The following MARCHF7 variants were observed in gnomAD, a reference collection of about 807,000 sequenced individuals.
MARCHF7 encodes the protein membrane associated ring-CH-type finger 7.
A neutral mutation model predicts 76.5 loss-of-function variants in MARCHF7; 20 were observed. That is an observed-to-expected ratio of 0.26 (90% CI 0.18 to 0.38). MARCHF7 has a LOEUF of 0.38. Among genes scored for constraint, MARCHF7 ranks in the 10% least tolerant of loss-of-function variants. MARCHF7 has a pLI of 1.00. For synonymous variants in MARCHF7, 295 were observed against 293.0 expected (o/e 1.01, Z -0.07); for missense variants, 797 against 812.9 (o/e 0.98, Z 0.24).
chr2:159,715,825 G>C (rs1481824987), intron 3 of MARCHF7, 59 bp downstream of exon 3: 1 of 152,114 alleles, frequency 6.6e-6, no homozygotes, highest in African/African-American at 2.4e-5. Context: ...TTTGTCAACA[G>C]CTTAAAAAGA....
In MARCHF7 at chr2:159,733,741, G is replaced by T. The variant is rs191664156; in HGVS notation, c.153+4566G>T. 23 of 985,290 alleles carry T rather than the reference G, an allele frequency of 2.3e-5. No individual in the cohort carries two copies. In the East Asian group the frequency reaches 1.2e-3, roughly 53 times the overall value. The allele number at this position is 985,290 out of a possible 1,614,324, so 61.0% of individuals were successfully genotyped here. On this transcript the variant is annotated intron_variant, in intron 4 of 11. Transcript: ENST00000409175. ...CTTATATAGTGCTTGACATTTTATA[G>T]AACATTTTTTACTTCTGTTTTTAGT...
intron 11 of MARCHF7, 29 bp from the exon 12 acceptor site, chr2:159,767,255 T>C (rs1707916922): frequency 4.5e-6 from 7 of 1,561,766 alleles, no homozygotes; most frequent in Non-Finnish European, 6.2e-6. Flanking sequence ...CTTAAAATCA[T>C]TCTTGATCAT....
chr2:159,724,825 T>C (rs996990321), intron 3 of MARCHF7, among the ~76,000 whole-genome samples: 39 of 152,176 alleles, frequency 2.6e-4, no homozygotes, highest in Non-Finnish European at 8.8e-5. Flanking sequence ...AATGCCATCC[T>C]TCCCCCTCCC....
At chr2:159,719,810 A>C (rs1479311104) in intron 3 of MARCHF7, among the ~76,000 whole-genome samples, 1 of 152,118 alleles carries the variant, frequency 6.6e-6, no homozygotes, top group Non-Finnish European at 1.5e-5. Flanking sequence ...AACTAAAAAC[A>C]GAACAGATTA....
At chr2:159,746,898 C>T (rs1001125555) in intron 6 of MARCHF7, among the ~76,000 whole-genome samples, 1 of 152,124 alleles carries the variant, frequency 6.6e-6, no homozygotes, top group Non-Finnish European at 1.5e-5. Context: ...CAAATGAAAA[C>T]ATTTTATCTG....
At chr2:159,761,406 C>CTTTTTTTTTTTTTTTTTTT (rs747902045) in intron 9 of MARCHF7, among the ~76,000 whole-genome samples, 6 of 73,750 alleles carry the variant, frequency 8.1e-5, no homozygotes, top group Non-Finnish European at 9.5e-5. Context: ...TGAATCATTT[C>CTTTTTTTTTTTTTTTTTTT]TTTTTTTTTT....
chr2:159,718,791 C>G (rs1288344574), intron 3 of MARCHF7, among the ~76,000 whole-genome samples: 1 of 151,986 alleles, frequency 6.6e-6, no homozygotes, highest in African/African-American at 2.4e-5. Context: ...CATAGTACCC[C>G]AAATTCTACT....
chr2:159,736,782 T>C (rs141582461), intron 4 of MARCHF7, among the ~76,000 whole-genome samples: 66 of 152,342 alleles, frequency 4.3e-4, no homozygotes, highest in African/African-American at 1.4e-3. Flanking sequence ...GCTAGTTATA[T>C]AAAGTCTTGG....
At chr2:159,718,173 A>G (rs568244335) in intron 3 of MARCHF7, among the ~76,000 whole-genome samples, 14 of 152,322 alleles carry the variant, frequency 9.2e-5, no homozygotes, top group African/African-American at 3.4e-4. Context: ...ACCTAGAGTC[A>G]TACCCAAGCA....
intron 4 of MARCHF7, among the ~76,000 whole-genome samples, chr2:159,741,962 T>C (rs1025352676): frequency 1.3e-5 from 2 of 152,194 alleles, no homozygotes; most frequent in African/African-American, 4.8e-5. Flanking sequence ...AACATTTTTG[T>C]AAAAAGAATA....
rs79699755 is a variant in MARCHF7 at position 159,767,736 on chromosome 2, ACTT to A, written c.*395_*397del. 3,185 of 153,820 alleles carry A rather than the reference ACTT, an allele frequency of 0.021. 64 individuals carry two copies. Among genetic ancestry groups the A allele is most frequent in the South Asian group, 0.087 (424 of 4,852 alleles). The allele number at this position is 153,820 out of a possible 1,614,324, so 9.5% of individuals were successfully genotyped here. The stretch of plus-strand genomic sequence containing the variant: ...TAGTGAGAAAAGTGGGACAAAATAT[ACTT>A]TTGAAATAAAATGCTATATGGCACC... On this transcript the variant is annotated 3_prime_UTR_variant, in exon 12 of 12. Transcript: ENST00000409175.
chr2:159,750,081 CTTTTT>C (rs1705436971), intron 7 of MARCHF7, among the ~76,000 whole-genome samples: 3 of 152,164 alleles, frequency 2.0e-5, no homozygotes, highest in Non-Finnish European at 4.4e-5. Flanking sequence ...TTTCTTTAAA[CTTTTT>C]GTAGAGACAG....
chr2:159,746,204 A>G (rs1027658916), intron 6 of MARCHF7, among the ~76,000 whole-genome samples: 5 of 152,256 alleles, frequency 3.3e-5, no homozygotes, highest in African/African-American at 1.2e-4. Context: ...AGAAAGTAAC[A>G]TACTAAATCG....
intron 7 of MARCHF7, 65 bp from the exon 8 acceptor site, chr2:159,752,333 TTATG>T (rs769678931): frequency 7.3e-7 from 1 of 1,375,170 alleles, no homozygotes; most frequent in Non-Finnish European, 9.6e-7. Flanking sequence ...AAGCTTGTGA[TTATG>T]TATGACTGAA....
chr2:159,715,473 G>T (rs2125254223), intron 2 of MARCHF7, among the ~76,000 whole-genome samples: 1 of 151,880 alleles, frequency 6.6e-6, no homozygotes, highest in Non-Finnish European at 1.5e-5. Flanking sequence ...CAGCTTCCTG[G>T]GTAGCTGGGA....
rs1372921766 is a variant in MARCHF7, at chr2:159,748,973, CTTTTCTTTTTTTTT to C, written c.1613+75_1613+88del. ...AAAGAACTCTTCATTTCTTTTTTTT[CTTTTCTTTTTTTTT>C]TTTTTTTTTGAGACGGAGTCTCAGT... On this transcript the variant is annotated intron_variant, in intron 7 of 11. Transcript: ENST00000409175. 58 of 684,712 alleles carry C rather than the reference CTTTTCTTTTTTTTT, an allele frequency of 8.5e-5. 2 individuals carry two copies. Among genetic ancestry groups the C allele is most frequent in the Non-Finnish European group, 9.6e-5 (48 of 498,846 alleles). 42.4% of individuals were successfully genotyped at this position (684,712 alleles called of 1,614,324 possible).
chr2:159,718,016 G>C lies in MARCHF7; in HGVS notation c.-15+2250G>C, dbSNP rs146925380. 7.0e-3 allele frequency among the ~76,000 whole-genome samples: 1,066 copies of C among 152,342 alleles called. 14 individuals are homozygous for C. In the Middle Eastern group the frequency reaches 0.075, roughly 11 times the overall value. ...AAAATTTCTACTGAGCTGTTTATAT[G>C]AAAACCTTCATGCTGATGGTATTGG... On this transcript the variant is annotated intron_variant, in intron 3 of 11. Coordinates refer to ENST00000409175, the MANE Select transcript of MARCHF7 (RefSeq NM_001282805.2).
rs958835909 is a variant in MARCHF7 at position 159,767,406 on chromosome 2, T to C, written c.*64T>C. 6 of 1,260,584 alleles carry C rather than the reference T, an allele frequency of 4.8e-6. No individual in the cohort carries two copies. The highest frequency in any genetic ancestry group is 6.9e-6 in the Non-Finnish European group (6 of 873,388). The allele number at this position is 1,260,584 out of a possible 1,614,324, so 78.1% of individuals were successfully genotyped here. A position where few individuals can be genotyped will look rare whatever the true frequency, so the allele number is the denominator to read the frequency against. On this transcript the variant is annotated 3_prime_UTR_variant, in exon 12 of 12. Transcript: ENST00000409175. Reference sequence around the variant, plus strand: ...GTTTATTAAAAATGGCAATTAAATATAAATTACTTTTGTGGGGGAATGCCT... The same window carrying C: ...GTTTATTAAAAATGGCAATTAAATACAAATTACTTTTGTGGGGGAATGCCT...
chr2:159,714,787 G>A lies in MARCHF7; in HGVS notation c.-101+189G>A, dbSNP rs369282191. On this transcript the variant is annotated intron_variant, in intron 2 of 11. Transcript: ENST00000409175. ...CATGGTGGTGCGGGTGTAGTGGTGC[G>A]CACTGCTACTACTAGCTACTTGGGC... Among the ~76,000 whole-genome samples the A allele has an allele frequency of 1.1e-4, 16 of 152,188 alleles. No homozygotes were observed. The South Asian group carries it at 3.1e-3, about 30-fold the overall frequency.
Sources: allele counts gnomAD v4.1 joint callset (sites outside exome capture counted in the v4.1 genomes callset), GRCh38; gene constraint gnomAD v4.1.1; transcripts MANE v1.5; gene names NCBI Gene and HGNC (gene_info 2026-07-23, HGNC 2026-07-21).